LYN: variants seen among roughly 807,000 people sequenced by gnomAD.
LYN encodes the protein tyrosine-protein kinase Lyn.
Under a neutral mutation model 65.0 loss-of-function variants are expected in LYN, and 12 were observed. That is an observed-to-expected ratio of 0.18 (90% CI 0.12 to 0.30). The LOEUF (loss-of-function observed/expected upper bound fraction) is 0.30. LYN is among the 10% of genes least tolerant of loss of function. The pLI, the probability that LYN is intolerant of heterozygous loss-of-function variation, is 1.00. For missense variants in LYN, 380 were observed against 623.2 expected (o/e 0.61, Z 4.16); for synonymous variants, 222 against 221.2 (o/e 1.00, Z -0.03).
At chr8:55,903,499 C>G (rs1805336726) in intron 1 of LYN, among the ~76,000 whole-genome samples, 1 of 152,180 alleles carries the variant, frequency 6.6e-6, no homozygotes, top group Admixed American at 6.5e-5. Flanking sequence ...TTTTTGATTA[C>G]CAACTTTTCA....
chr8:55,988,464 G>T (rs570637379), intron 10 of LYN, among the ~76,000 whole-genome samples: 1 of 152,070 alleles, frequency 6.6e-6, no homozygotes, highest in East Asian at 1.9e-4. Context: ...TTATTTTTCA[G>T]TTCCAACTTA....
At chr8:55,969,222 G>A (rs1807542613) in intron 9 of LYN, among the ~76,000 whole-genome samples, 1 of 152,232 alleles carries the variant, frequency 6.6e-6, no homozygotes, top group Non-Finnish European at 1.5e-5. Context: ...GCAGTGAGAT[G>A]TAATCATGCC....
intron 1 of LYN, among the ~76,000 whole-genome samples, chr8:55,911,116 CGTATATATAT>C (rs1563506261): frequency 0.081 from 602 of 7,404 alleles, 2 homozygotes; most frequent in Non-Finnish European, 0.13. Context: ...CGTATATATA[CGTATATATAT>C]ACACATACAT....
chr8:56,011,113 G>C lies in LYN; in HGVS notation c.*1003G>C. The C allele has an allele frequency of 4.4e-6, 1 of 229,654 alleles. No individual in the cohort carries two copies. The allele number at this position is 229,654 out of a possible 1,614,324, so 14.2% of individuals were successfully genotyped here. ...AGAAAGCTAAAGTGCCACATTCGGG[G>C]CTATTTTTATGATTCAGCAATCTTT... On this transcript the variant is annotated 3_prime_UTR_variant, in exon 13 of 13. Coordinates refer to ENST00000519728, the MANE Select transcript of LYN (RefSeq NM_002350.4).
At chr8:56,006,026 A>C (rs1473280700) in intron 12 of LYN, among the ~76,000 whole-genome samples, 4 of 152,090 alleles carry the variant, frequency 2.6e-5, no homozygotes, top group South Asian at 2.1e-4. Flanking sequence ...TTGAGGCTGC[A>C]GTGAGCCATG....
At chr8:56,000,168 A>C (rs113296227) in intron 12 of LYN, among the ~76,000 whole-genome samples, 1 of 152,128 alleles carries the variant, frequency 6.6e-6, no homozygotes, top group African/African-American at 2.4e-5. Flanking sequence ...GGCTCCTCCA[A>C]GGCAGTCCCC....
chr8:55,946,628 T>G (rs1806786491), intron 3 of LYN, 135 bp downstream of exon 3: 2 of 642,718 alleles, frequency 3.1e-6, no homozygotes, highest in Non-Finnish European at 5.5e-6. Context: ...TCTTAACTAT[T>G]TTTAAGTATA....
chr8:55,965,123 AT>A (rs1230926784), intron 8 of LYN, among the ~76,000 whole-genome samples: 4 of 152,164 alleles, frequency 2.6e-5, no homozygotes, highest in Non-Finnish European at 4.4e-5. Flanking sequence ...GCTTTGCCAA[AT>A]TACTGAGAAA....
chr8:55,901,380 G>T (rs939080127), intron 1 of LYN, among the ~76,000 whole-genome samples: 1 of 152,052 alleles, frequency 6.6e-6, no homozygotes, highest in African/African-American at 2.4e-5. Context: ...TGTAAGTGAT[G>T]GTATTTTTAC....
In LYN at chr8:56,010,661, T is replaced by C. The variant is rs2130605754; in HGVS notation, c.*551T>C. 4.3e-6 allele frequency: 1 copy of C among 233,908 alleles called. No individual in the cohort carries two copies. The highest frequency in any genetic ancestry group is 5.3e-5 in the Admixed American group (1 of 18,698). The allele number at this position is 233,908 out of a possible 1,614,324, so 14.5% of individuals were successfully genotyped here. On this transcript the variant is annotated 3_prime_UTR_variant, in exon 13 of 13. Coordinates refer to ENST00000519728, the MANE Select transcript of LYN (RefSeq NM_002350.4). ...GTCTTTCCCAGATTTCAATGATTTT[T>C]TTCCCCCTACCTCCCAAAATCTGAG...
At chr8:55,918,104 C>A (rs1805831306) in intron 1 of LYN, among the ~76,000 whole-genome samples, 1 of 152,164 alleles carries the variant, frequency 6.6e-6, no homozygotes, top group Non-Finnish European at 1.5e-5. Flanking sequence ...GCAGCAGCAG[C>A]TTGCAGATCT....
chr8:55,902,613 AC>A (rs980083537), intron 1 of LYN: 2 of 322,444 alleles, frequency 6.2e-6, no homozygotes, highest in Admixed American at 4.0e-5. Context: ...CAAAAAAAAA[AC>A]AACAACAACA....
At chr8:55,941,472 G>T (rs16922458) in intron 1 of LYN, among the ~76,000 whole-genome samples, 29,833 of 152,038 alleles carry the variant, frequency 0.2, 3,183 homozygotes, top group Middle Eastern at 0.31. Context: ...CTGCCATCCC[G>T]CCCATTTCAA....
intron 1 of LYN, among the ~76,000 whole-genome samples, chr8:55,937,750 T>C (rs1806476858): frequency 6.6e-6 from 1 of 152,200 alleles, no homozygotes; most frequent in Non-Finnish European, 1.5e-5. Context: ...TGGAGTGCAG[T>C]GGCACAACAA....
intron 1 of LYN, among the ~76,000 whole-genome samples, chr8:55,907,602 C>T (rs952240086): frequency 6.6e-6 from 1 of 152,110 alleles, no homozygotes; most frequent in African/African-American, 2.4e-5. Context: ...CATAGTGGCT[C>T]ACGCCTGTAA....
intron 1 of LYN, among the ~76,000 whole-genome samples, chr8:55,898,382 G>A (rs762039929): frequency 4.6e-5 from 7 of 152,130 alleles, no homozygotes; most frequent in South Asian, 2.1e-4. Flanking sequence ...TCCGCCTTCC[G>A]TGTTCAAGCA....
At chr8:55,954,650 G>A (rs1439580992) in intron 8 of LYN, among the ~76,000 whole-genome samples, 2 of 152,102 alleles carry the variant, frequency 1.3e-5, no homozygotes, top group Non-Finnish European at 2.9e-5. Flanking sequence ...AACAGCCTGA[G>A]CAACATAGCA....
chr8:55,950,653 T>G, intron 5 of LYN, 28 bp from the exon 6 acceptor site: 1 of 1,583,038 alleles, frequency 6.3e-7, no homozygotes. Flanking sequence ...GAACATAATA[T>G]GCAGGAAATG....
intron 10 of LYN, among the ~76,000 whole-genome samples, chr8:55,981,936 G>A (rs957074584): frequency 6.6e-6 from 1 of 152,182 alleles, no homozygotes. Flanking sequence ...GAAGCCAACG[G>A]CAGATGCATT....
Sources: allele counts gnomAD v4.1 joint callset (sites outside exome capture counted in the v4.1 genomes callset), GRCh38; gene constraint gnomAD v4.1.1; transcripts MANE v1.5; gene names NCBI Gene and HGNC (gene_info 2026-07-23, HGNC 2026-07-21).